Variants in CEP97 observed in about 807,000 individuals in gnomAD.
CEP97 encodes the protein centrosomal protein of 97 kDa.
A neutral mutation model predicts 73.1 loss-of-function variants in CEP97; 43 were observed. The ratio of observed to expected loss-of-function variants is 0.59; its 90% CI spans 0.46 to 0.76. CEP97 has a LOEUF of 0.76. Ranked by LOEUF, CEP97 falls within the 30% of genes least tolerant of loss-of-function variation. CEP97 has a pLI of 0.00. For synonymous variants in CEP97, 337 were observed against 370.0 expected (o/e 0.91, Z 1.02); for missense variants, 939 against 1,014.0 (o/e 0.93, Z 1.00).
intron 6 of CEP97, among the ~76,000 whole-genome samples, chr3:101,739,911 A>T (rs997373009): frequency 2.0e-5 from 3 of 151,874 alleles, no homozygotes; most frequent in African/African-American, 7.3e-5. Context: ...TCTAAAAAAA[A>T]AAAAAATCAG....
rs377040183 is a variant in CEP97, at chr3:101,724,730, C to T, written c.43+11C>T. 1.1e-5 allele frequency: 18 copies of T among 1,613,872 alleles called. No homozygotes were observed. Among genetic ancestry groups the T allele is most frequent in the Non-Finnish European group, 1.4e-5 (17 of 1,179,822 alleles). On this transcript the variant is annotated intron_variant, in intron 1 of 10. Coordinates refer to ENST00000341893, the MANE Select transcript of CEP97 (RefSeq NM_024548.4). ...TGCCTCCCGGAGAAGGTAAGGCGAT[C>T]CCTACCCCGAGTCCTAAGGTTTACT... is the stretch of plus-strand genomic sequence containing the variant.
intron 6 of CEP97, among the ~76,000 whole-genome samples, chr3:101,752,436 T>C (rs1286776965): frequency 1.3e-5 from 2 of 152,206 alleles, no homozygotes; most frequent in Non-Finnish European, 2.9e-5. Context: ...ATCTGAATGT[T>C]GGCCTGCCTT....
intron 5 of CEP97, 99 bp from the exon 6 acceptor site, chr3:101,732,389 A>G (rs1362448757): frequency 1.2e-6 from 1 of 800,748 alleles, no homozygotes; most frequent in Non-Finnish European, 2.0e-6. Context: ...GAGGGAAATT[A>G]TCACATTCTC....
Position 101,757,700 on chromosome 3 carries a change from A to G in CEP97, c.1094A>G (p.Lys365Arg). 1.2e-6 allele frequency: 2 copies of G among 1,614,220 alleles called. No homozygotes were observed. The highest frequency in any genetic ancestry group is 2.7e-5 in the African/African-American group (2 of 75,078). Reference sequence around the variant, plus strand: ...AATGATGATCAGTTATTTGCGGTTAAGAATAATTTTCCAGCCTCTGTACAC... The same window carrying G: ...AATGATGATCAGTTATTTGCGGTTAGGAATAATTTTCCAGCCTCTGTACAC... ...NSNDDQLFAV[K>R]NNFPASVHTT... Residue 365 changes from lysine (K) to arginine (R), a missense_variant, in exon 9 of 11, where the codon AAG becomes AGG. Lys to Arg is a conservative substitution (Grantham distance 26, BLOSUM62 2). Coordinates refer to ENST00000341893, the MANE Select transcript of CEP97 (RefSeq NM_024548.4).
chr3:101,744,090 C>G (rs1302725165), intron 6 of CEP97, among the ~76,000 whole-genome samples: 1 of 151,276 alleles, frequency 6.6e-6, no homozygotes. Flanking sequence ...ATAAATGGTA[C>G]AACTACTTTG....
intron 6 of CEP97, among the ~76,000 whole-genome samples, chr3:101,748,990 G>C (rs1268307242): frequency 6.6e-6 from 1 of 151,890 alleles, no homozygotes; most frequent in Non-Finnish European, 1.5e-5. Flanking sequence ...AAACTTTTTT[G>C]GTTAAATTTT....
chr3:101,767,708 T>C lies in CEP97; in HGVS notation c.*2157T>C, dbSNP rs1164239227. On this transcript the variant is annotated 3_prime_UTR_variant, in exon 11 of 11. Coordinates refer to ENST00000341893, the MANE Select transcript of CEP97 (RefSeq NM_024548.4). ...TACTCAGCATACTTTCATTAAAAAT[T>C]TGGCACAATATGATAATTGTTAATA... 2 of 152,196 alleles carry C rather than the reference T, an allele frequency of 1.3e-5. No homozygotes were observed. The highest frequency in any genetic ancestry group is 2.4e-5 in the African/African-American group (1 of 41,452). 9.4% of individuals were successfully genotyped at this position (152,196 alleles called of 1,614,324 possible).
In CEP97 at chr3:101,769,343, T is replaced by C. The variant is rs1186437157; in HGVS notation, c.*3792T>C. 2 of 151,618 alleles carry C rather than the reference T, an allele frequency of 1.3e-5. No homozygotes were observed. Among genetic ancestry groups the C allele is most frequent in the African/African-American group, 4.9e-5 (2 of 41,222 alleles). 9.4% of individuals were successfully genotyped at this position (151,618 alleles called of 1,614,324 possible). A position where few individuals can be genotyped will look rare whatever the true frequency, so the allele number is the denominator to read the frequency against. On this transcript the variant is annotated 3_prime_UTR_variant, in exon 11 of 11. Coordinates refer to ENST00000341893, the MANE Select transcript of CEP97 (RefSeq NM_024548.4). ...TGTGTGTGTGTTTTTTTTTTTTTTT[T>C]CGAGATAGAGTTTCACTGTTGTCAC... is the stretch of plus-strand genomic sequence containing the variant.
At chr3:101,732,356 A>T (rs1576677681) in intron 5 of CEP97, 132 bp from the exon 6 acceptor site, 1 of 643,476 alleles carries the variant, frequency 1.6e-6, no homozygotes, top group East Asian at 2.8e-5. Flanking sequence ...AAGTCAATGG[A>T]CACTTGTCAC....
In CEP97 at chr3:101,765,637, C is replaced by A; in HGVS notation, c.*86C>A. ...TGCTTTTTTTTGGAGGGAAATACTC[C>A]CTACCCCTAATTTTGTTACTACTTA... On this transcript the variant is annotated 3_prime_UTR_variant, in exon 11 of 11. Coordinates refer to ENST00000341893, the MANE Select transcript of CEP97 (RefSeq NM_024548.4). The A allele has an allele frequency of 9.6e-7, 1 of 1,039,938 alleles. No individual in the cohort carries two copies. Among genetic ancestry groups the A allele is most frequent in the Non-Finnish European group, 1.4e-6 (1 of 709,400 alleles). The allele number at this position is 1,039,938 out of a possible 1,614,324, so 64.4% of individuals were successfully genotyped here.
chr3:101,724,640 G>A lies in CEP97; in HGVS notation c.-37G>A. 6.2e-7 allele frequency: 1 copy of A among 1,613,788 alleles called. No homozygotes were observed. The highest frequency in any genetic ancestry group is 8.5e-7 in the Non-Finnish European group (1 of 1,179,708). ...GATTACAAGCTCCACAGAGCCGCGGGAGGACGGTTGCCTGGTATTATTAGC... is the reference window on the plus strand; with the variant it reads ...GATTACAAGCTCCACAGAGCCGCGGAAGGACGGTTGCCTGGTATTATTAGC... On this transcript the variant is annotated 5_prime_UTR_variant, in exon 1 of 11. Transcript: ENST00000341893.
intron 6 of CEP97, among the ~76,000 whole-genome samples, chr3:101,755,172 A>G (rs1227700030): frequency 2.6e-5 from 4 of 152,128 alleles, no homozygotes; most frequent in Non-Finnish European, 5.9e-5. Flanking sequence ...TTCCTTGAAA[A>G]TGATTTAAAA....
chr3:101,728,875 C>T lies in CEP97; in HGVS notation c.385C>T (p.Leu129Phe). ...CAATAGCTGCACAGCTCTACAGCAT[C>T]TCGATTTATCAGACAATAATATATC... ...QINSCTALQH[L>F]DLSDNNISQI... Residue 129 changes from leucine to phenylalanine, a missense_variant, in exon 4 of 11, where the codon CTC (leucine) becomes TTC (phenylalanine). Transcript: ENST00000341893. 1 of 1,608,906 alleles carries T rather than the reference C, an allele frequency of 6.2e-7. No individual in the cohort carries two copies. Among genetic ancestry groups the T allele is most frequent in the South Asian group, 1.1e-5 (1 of 90,990 alleles).
Position 101,727,411 on chromosome 3 carries a change from G to A in CEP97, c.215G>A (p.Arg72Gln), listed in dbSNP as rs1334544068. Residue 72 changes from arginine to glutamine, a missense_variant, in exon 3 of 11, where the codon CGG (arginine) becomes CAG (glutamine). By Grantham distance (43) the Arg-to-Gln change is conservative. Transcript: ENST00000341893. ...QLSVANNRLV[R>Q]MMGVAKLTLL... ...TCAGTAGCTAATAATCGGCTGGTTC[G>A]GATGATGGGTGTGGCCAAGCTGACG... 4.3e-6 allele frequency: 7 copies of A among 1,613,126 alleles called. No homozygotes were observed. Among genetic ancestry groups the A allele is most frequent in the African/African-American group, 1.3e-5 (1 of 74,830 alleles).
chr3:101,750,142 T>C (rs1229913466), intron 6 of CEP97, among the ~76,000 whole-genome samples: 1 of 142,370 alleles, frequency 7.0e-6, no homozygotes, highest in Non-Finnish European at 1.5e-5. Flanking sequence ...AACGTTTAAG[T>C]CTTTAATCCA....
intron 10 of CEP97, 54 bp from the exon 11 acceptor site, chr3:101,764,793 A>G: frequency 6.0e-6 from 9 of 1,498,018 alleles, no homozygotes; most frequent in African/African-American, 1.4e-5. Context: ...AAAAACAAAC[A>G]AACAAAAACA....
At position 101,726,597 on chromosome 3, in the gene CEP97, C is replaced by T. The variant is rs748814801; in HGVS notation, c.47C>T (p.Ser16Leu). Reference sequence around the variant, plus strand: ...AACATTTCCGTTTCTTTTCAAGGATCAGTGGTCAATTGGTCAGGACAGGGA... The same window carrying T: ...AACATTTCCGTTTCTTTTCAAGGATTAGTGGTCAATTGGTCAGGACAGGGA... ...VDAALPPGEG[S>L]VVNWSGQGLQ... is the part of the protein sequence containing the mutation. The change falls in exon 2 of 11, where the codon TCA (serine) becomes TTA (leucine). Residue 16 changes from serine (S) to leucine (L), a missense_variant. Physicochemically the swap from Ser to Leu is moderately radical, Grantham distance 145. Coordinates refer to ENST00000341893, the MANE Select transcript of CEP97 (RefSeq NM_024548.4). The T allele has an allele frequency of 6.3e-7, 1 of 1,579,082 alleles. No homozygotes were observed. The highest frequency in any genetic ancestry group is 1.2e-5 in the South Asian group (1 of 84,592).
At position 101,770,105 on chromosome 3, in the gene CEP97, A is replaced by C. The variant is rs1009971919; in HGVS notation, c.*4554A>C. The C allele has an allele frequency of 1.1e-4, 17 of 151,892 alleles. No individual in the cohort carries two copies. Among genetic ancestry groups the C allele is most frequent in the African/African-American group, 3.9e-4 (16 of 41,282 alleles). The allele number at this position is 151,892 out of a possible 1,614,324, so 9.4% of individuals were successfully genotyped here. A position where few individuals can be genotyped will look rare whatever the true frequency, so the allele number is the denominator to read the frequency against. ...AGTGGCGTGATCTCGGCTCACTGCA[A>C]CCTCCATCTCCTGGGTTCAAGTGAT... On this transcript the variant is annotated 3_prime_UTR_variant, in exon 11 of 11. Coordinates refer to ENST00000341893, the MANE Select transcript of CEP97 (RefSeq NM_024548.4).
intron 10 of CEP97, 80 bp downstream of exon 10, chr3:101,762,640 A>G: frequency 1.9e-6 from 2 of 1,065,466 alleles, no homozygotes; most frequent in Non-Finnish European, 1.4e-6. Context: ...TAGAGTACTC[A>G]GGTGTATTAA....
Sources: gnomAD v4.1 joint callset for allele counts (sites outside exome capture counted in the v4.1 genomes callset) on GRCh38, gnomAD v4.1.1 for gene constraint, MANE v1.5 for transcripts, NCBI Gene and HGNC (gene_info 2026-07-23, HGNC 2026-07-21) for gene names.